Variants in KIF15 observed in about 807,000 individuals in gnomAD.
KIF15 encodes the protein kinesin family member 15.
KIF15 carries 140 observed loss-of-function variants against 190.6 expected under a neutral mutation model. The observed-to-expected ratio is 0.73, with a 90% CI of 0.64 to 0.84. KIF15 has a LOEUF of 0.84. Among genes scored for constraint, KIF15 ranks in the 40% least tolerant of loss-of-function variants. KIF15 has a pLI of 0.00. For synonymous variants in KIF15, 528 were observed against 551.3 expected, an observed-to-expected ratio of 0.96 and a Z score of 0.59; for missense variants, 1,372 against 1,584.4, an observed-to-expected ratio of 0.87 and a Z score of 2.28.
intron 3 of KIF15, among the ~76,000 whole-genome samples, chr3:44,776,687 T>C (rs1001230446): frequency 6.6e-6 from 1 of 152,172 alleles, no homozygotes; most frequent in Non-Finnish European, 1.5e-5. Context: ...CTTTTCTAAT[T>C]AAGGTCAACT....
chr3:44,839,978 C>T (rs1389993028), intron 27 of KIF15, among the ~76,000 whole-genome samples: 1 of 152,230 alleles, frequency 6.6e-6, no homozygotes, highest in Admixed American at 6.5e-5. Context: ...AATAATGCTT[C>T]AGAGAACATG....
intron 20 of KIF15, among the ~76,000 whole-genome samples, chr3:44,816,461 G>T (rs143639374): frequency 0.019 from 2,787 of 147,818 alleles, 74 homozygotes; most frequent in African/African-American, 0.065. Context: ...TCATTGTTCA[G>T]TTCCCACCTA....
chr3:44,815,409 C>G (rs1429835337), intron 20 of KIF15, among the ~76,000 whole-genome samples: 1 of 152,184 alleles, frequency 6.6e-6, no homozygotes, highest in African/African-American at 2.4e-5. Flanking sequence ...ATAAAAACCC[C>G]TGTAAAGAAA....
chr3:44,795,405 C>G (rs992466435), intron 8 of KIF15, among the ~76,000 whole-genome samples: 5 of 152,090 alleles, frequency 3.3e-5, no homozygotes, highest in African/African-American at 1.2e-4. Context: ...TATCAAGGAC[C>G]AGGAGTGCCA....
intron 6 of KIF15, among the ~76,000 whole-genome samples, chr3:44,861,686 C>T (rs889539059): frequency 4.6e-5 from 7 of 152,250 alleles, no homozygotes; most frequent in Non-Finnish European, 1.0e-4. Context: ...TGGCCTCAGG[C>T]CTCGGGTCCC....
intron 23 of KIF15, 105 bp from the exon 24 acceptor site, chr3:44,828,109 C>A: frequency 1.3e-6 from 1 of 746,128 alleles, no homozygotes; most frequent in Non-Finnish European, 2.3e-6. Context: ...TTACTCCTAG[C>A]ATAGACTCTA....
downstream of KIF15, among the ~76,000 whole-genome samples, chr3:44,857,693 C>G (rs1301853702): frequency 6.6e-6 from 1 of 152,088 alleles, no homozygotes; most frequent in East Asian, 1.9e-4. Flanking sequence ...TATCCAAAGT[C>G]GAAAGTATCC....
At chr3:44,801,689 TTTG>T (rs1370553845) in intron 12 of KIF15, 73 bp from the exon 13 acceptor site, 2 of 1,026,330 alleles carry the variant, frequency 1.9e-6, no homozygotes, top group African/African-American at 3.3e-5. Flanking sequence ...GAAATTAGTA[TTTG>T]TTGCTGGACT....
At chr3:44,787,246 C>G (rs1219101530) in intron 7 of KIF15, among the ~76,000 whole-genome samples, 1 of 152,082 alleles carries the variant, frequency 6.6e-6, no homozygotes, top group Admixed American at 6.5e-5. Flanking sequence ...TACCTGTCCT[C>G]CCTATCCCAT....
chr3:44,862,059 C>T lies in KIF15; in HGVS notation c.*59+9265C>T, dbSNP rs376379431. 5 of 1,313,370 alleles carry T rather than the reference C, an allele frequency of 3.8e-6. No homozygotes were observed. The African/African-American group carries it at 4.6e-5, about 12-fold the overall frequency. 81.4% of individuals were successfully genotyped at this position (1,313,370 alleles called of 1,614,324 possible). The stretch of plus-strand genomic sequence containing the variant: ...TTTGGGGCGTATTCAACTGTCTGTG[C>T]GCCGGCGCGTTCGGGGCCCTGGCCG... On this transcript the variant is annotated intron_variant and NMD_transcript_variant, in intron 6 of 6. Coordinates refer to the KIF15 transcript ENST00000422209.
At chr3:44,837,819 AATGAATCACAATCTGGT>A (rs1194614557) in intron 26 of KIF15, among the ~76,000 whole-genome samples, 1 of 152,200 alleles carries the variant, frequency 6.6e-6, no homozygotes, top group African/African-American at 2.4e-5. Flanking sequence ...GGTCTATGAC[AATGAATCACAATCTGGT>A]GCAAACTGCC....
At chr3:44,773,024 C>G (rs1011382495) in intron 1 of KIF15, among the ~76,000 whole-genome samples, 2 of 151,966 alleles carry the variant, frequency 1.3e-5, no homozygotes, top group Non-Finnish European at 2.9e-5. Context: ...ACATGGAAAG[C>G]ACACCAGCTT....
chr3:44,797,510 C>G, intron 8 of KIF15, 41 bp from the exon 9 acceptor site: 1 of 1,603,438 alleles, frequency 6.2e-7, no homozygotes, highest in Non-Finnish European at 8.5e-7. Context: ...AAAGAGTAAC[C>G]AACGTACCTA....
rs751907707 is a variant in KIF15 at position 44,801,463 on chromosome 3, T to C, written c.1236T>C (p.Thr412=). The C allele has an allele frequency of 1.3e-6, 2 of 1,564,260 alleles. No individual in the cohort carries two copies. Among genetic ancestry groups the C allele is most frequent in the South Asian group, 1.1e-5 (1 of 88,476 alleles). Residue 412 remains threonine, a synonymous_variant, in exon 12 of 35, where the codon ACT becomes ACC. Transcript: ENST00000326047. The part of the protein sequence containing the change: ...ESFLTRDKKK[T]NYMEYFQEAM... ...GATCAATTACAGACAAAAAGAAGAC[T>C]AACTATATGGAGTATTTCCAGGAAG...
chr3:44,826,221 C>G (rs1559570011), intron 21 of KIF15, 32 bp downstream of exon 21: 1 of 1,560,750 alleles, frequency 6.4e-7, no homozygotes, highest in Admixed American at 2.1e-5. Flanking sequence ...TGTCCCGCAT[C>G]TGTGACTGTC....
At chr3:44,774,703 A>G (rs1373021496) in intron 2 of KIF15, among the ~76,000 whole-genome samples, 6 of 152,194 alleles carry the variant, frequency 3.9e-5, no homozygotes, top group Admixed American at 3.9e-4. Flanking sequence ...TTGGAACTCC[A>G]TGCAATGAAC....
chr3:44,794,394 A>G lies in KIF15; in HGVS notation c.817A>G (p.Lys273Glu). ...LVDLAGSERQ[K>E]DTHAEGMRLK... ...GGATTTAGCAGGATCTGAAAGGCAA[A>G]AAGATACCCATGCAGAAGGGATGAG... Residue 273 changes from lysine to glutamate, a missense_variant, in exon 8 of 35, where the codon AAA becomes GAA. Coordinates refer to ENST00000326047, the MANE Select transcript of KIF15 (RefSeq NM_020242.3). 6.2e-7 allele frequency: 1 copy of G among 1,610,448 alleles called. No individual in the cohort carries two copies. The highest frequency in any genetic ancestry group is 8.5e-7 in the Non-Finnish European group (1 of 1,177,924).
At chr3:44,854,570 A>C (rs928541862), downstream of KIF15, among the ~76,000 whole-genome samples, 1 of 152,328 alleles carries the variant, frequency 6.6e-6, no homozygotes, top group South Asian at 2.1e-4. Flanking sequence ...CAGAGGTAGA[A>C]GAAGGTGGAA....
chr3:44,857,817 C>T (rs142600381), downstream of KIF15, among the ~76,000 whole-genome samples: 45 of 152,118 alleles, frequency 3.0e-4, no homozygotes, highest in African/African-American at 3.4e-4. Context: ...AGAATTATGC[C>T]GAGGTAGGTA....
Sources: allele counts gnomAD v4.1 joint callset (sites outside exome capture counted in the v4.1 genomes callset), GRCh38; gene constraint gnomAD v4.1.1; transcripts MANE v1.5; gene names NCBI Gene and HGNC (gene_info 2026-07-23, HGNC 2026-07-21).